The following CHL1 variants were observed in gnomAD, a reference collection of about 807,000 sequenced individuals.
CHL1 encodes neural cell adhesion molecule L1-like protein.
CHL1 carries 96 observed loss-of-function variants against 141.9 expected under a neutral mutation model. The observed-to-expected ratio is 0.68, with a 90% confidence interval of 0.57 to 0.80. The LOEUF is 0.80. Among genes scored for constraint, CHL1 ranks in the 30% least tolerant of loss-of-function variants. The probability of loss-of-function intolerance (pLI) is 0.00; values close to 1 mark genes in which losing one functional copy is unlikely to be tolerated. For synonymous variants in CHL1, 613 were observed against 502.2 expected (o/e 1.22, Z -2.95); for missense variants, 1,820 against 1,457.2 (o/e 1.25, Z -4.05).
chr3:286,847 A>G (rs923433035), intron 2 of CHL1, among the ~76,000 whole-genome samples: 14 of 152,132 alleles, frequency 9.2e-5, no homozygotes, highest in African/African-American at 3.1e-4. Context: ...TTGCCATGGC[A>G]TTTGTAAACT....
intron 2 of CHL1, among the ~76,000 whole-genome samples, chr3:310,591 A>T (rs2124978358): frequency 6.6e-6 from 1 of 152,228 alleles, no homozygotes; most frequent in South Asian, 2.1e-4. Flanking sequence ...TTCATTTTTT[A>T]GTGTTGTTTT....
At chr3:308,034 A>G (rs1217574356) in intron 2 of CHL1, among the ~76,000 whole-genome samples, 1 of 152,220 alleles carries the variant, frequency 6.6e-6, no homozygotes, top group Non-Finnish European at 1.5e-5. Context: ...ATTCATTTAA[A>G]GTTCTATTAG....
At chr3:273,130 C>A (rs1171378861) in intron 2 of CHL1, among the ~76,000 whole-genome samples, 1 of 152,148 alleles carries the variant, frequency 6.6e-6, no homozygotes, top group Non-Finnish European at 1.5e-5. Flanking sequence ...AAAGTGGGAG[C>A]TTGGTAGTAT....
intron 19 of CHL1, among the ~76,000 whole-genome samples, chr3:386,559 C>T (rs1027685469): frequency 4.6e-5 from 7 of 152,102 alleles, no homozygotes; most frequent in African/African-American, 1.7e-4. Flanking sequence ...TTGAGAGTTT[C>T]CATTGTTCTT....
rs569410234 is a variant in CHL1 at position 263,706 on chromosome 3, G to A, written c.-95+19014G>A. ...TATATTAAATTTTTGATTTGTGCAT[G>A]TATTTGCTTTTGCATATCTTACTTT... is the stretch of plus-strand genomic sequence containing the variant. On this transcript the variant is annotated intron_variant, in intron 2 of 27. Coordinates refer to ENST00000256509, the MANE Select transcript of CHL1 (RefSeq NM_006614.4). Among the ~76,000 whole-genome samples the A allele has an allele frequency of 1.4e-4, 22 of 152,280 alleles. 1 individual carries two copies. In the South Asian group the frequency reaches 4.6e-3, roughly 32 times the overall value.
intron 9 of CHL1, among the ~76,000 whole-genome samples, chr3:346,248 T>C (rs1163780915): frequency 1.3e-5 from 2 of 152,210 alleles, no homozygotes. Context: ...CAACTCCCAA[T>C]GTGTATTTAC....
Position 303,260 on chromosome 3 carries a change from T to C in CHL1, c.-94-16423T>C, listed in dbSNP as rs147227504. On this transcript the variant is annotated intron_variant, in intron 2 of 27. Coordinates refer to ENST00000256509, the MANE Select transcript of CHL1 (RefSeq NM_006614.4). ...GGTTCCATATGAAGTTTAAAGTAAT[T>C]TTTTTCCAATTCTGTGAAGAAAGTC... 3.6e-3 allele frequency among the ~76,000 whole-genome samples: 555 copies of C among 152,230 alleles called. 8 individuals carry two copies. The highest frequency in any genetic ancestry group is 0.013 in the African/African-American group (529 of 41,534).
intron 11 of CHL1, 49 bp from the exon 12 acceptor site, chr3:360,235 A>G (rs780012819): frequency 4.4e-6 from 7 of 1,599,950 alleles, no homozygotes; most frequent in Non-Finnish European, 6.0e-6. Flanking sequence ...GTGTATAAAT[A>G]TTTTATGTCC....
At chr3:225,874 T>A (rs1186746830) in intron 1 of CHL1, among the ~76,000 whole-genome samples, 1 of 151,752 alleles carries the variant, frequency 6.6e-6, no homozygotes, top group Non-Finnish European at 1.5e-5. Context: ...CCAGGTGTGG[T>A]GGCAGGCACC....
At chr3:290,762 A>C (rs141424544) in intron 2 of CHL1, among the ~76,000 whole-genome samples, 354 of 152,166 alleles carry the variant, frequency 2.3e-3, no homozygotes, top group African/African-American at 8.0e-3. Flanking sequence ...AGCTGTAATC[A>C]CACACAAAAA....
rs868579249 is a variant in CHL1, at chr3:408,778, T to A, written c.*3067T>A. On this transcript the variant is annotated 3_prime_UTR_variant, in exon 28 of 28. Transcript: ENST00000256509. The stretch of plus-strand genomic sequence containing the variant: ...GGGTCTTTGCTATACAAAAGTGTTT[T>A]CCACTAATTTTGCATGCGTATTTAT... 1 of 152,156 alleles carries A rather than the reference T, an allele frequency of 6.6e-6. No homozygotes were observed. The highest frequency in any genetic ancestry group is 1.5e-5 in the Non-Finnish European group (1 of 68,008). 9.4% of individuals were successfully genotyped at this position (152,156 alleles called of 1,614,324 possible).
chr3:330,732 A>C (rs1369303889), intron 5 of CHL1, among the ~76,000 whole-genome samples: 1 of 152,170 alleles, frequency 6.6e-6, no homozygotes, highest in Non-Finnish European at 1.5e-5. Context: ...CAGCTGGTTC[A>C]AAAATATCTT....
chr3:201,199 T>G (rs1698901829), intron 1 of CHL1, among the ~76,000 whole-genome samples: 1 of 152,218 alleles, frequency 6.6e-6, no homozygotes, highest in African/African-American at 2.4e-5. Flanking sequence ...CAACCTGACA[T>G]TATTCTGCCA....
In CHL1 at chr3:318,979, A is replaced by G. The variant is rs145161638; in HGVS notation, c.-94-704A>G. 3.4e-4 allele frequency among the ~76,000 whole-genome samples: 52 copies of G among 151,848 alleles called. No individual in the cohort carries two copies. The South Asian group carries it at 7.9e-3, about 23-fold the overall frequency. On this transcript the variant is annotated intron_variant, in intron 2 of 27. Coordinates refer to ENST00000256509, the MANE Select transcript of CHL1 (RefSeq NM_006614.4). ...ATACACCATGGAATACTACACAGCC[A>G]TATAAAGAACAAAATTGTGTCCTTG...
intron 3 of CHL1, among the ~76,000 whole-genome samples, chr3:322,726 C>T (rs541238234): frequency 4.1e-5 from 6 of 145,252 alleles, no homozygotes; most frequent in Non-Finnish European, 7.5e-5. Context: ...TACCTGTAGT[C>T]CTAGCTACTT....
At chr3:293,359 C>T (rs945249312) in intron 2 of CHL1, among the ~76,000 whole-genome samples, 17 of 151,916 alleles carry the variant, frequency 1.1e-4, no homozygotes, top group African/African-American at 2.7e-4. Context: ...AAAAATTAGC[C>T]GGGCATGATG....
At chr3:290,362 G>A (rs972844033) in intron 2 of CHL1, among the ~76,000 whole-genome samples, 4 of 152,026 alleles carry the variant, frequency 2.6e-5, no homozygotes, top group Admixed American at 2.6e-4. Context: ...GTATTAATTT[G>A]GAGTACAAAT....
intron 5 of CHL1, 112 bp from the exon 6 acceptor site, chr3:340,682 A>G (rs1702279474): frequency 1.1e-6 from 1 of 877,954 alleles, no homozygotes; most frequent in Non-Finnish European, 1.7e-6. Flanking sequence ...GATCTGTAGC[A>G]TAGAATTTAT....
At chr3:284,077 G>T (rs1410320874) in intron 2 of CHL1, among the ~76,000 whole-genome samples, 1 of 152,044 alleles carries the variant, frequency 6.6e-6, no homozygotes, top group African/African-American at 2.4e-5. Context: ...CAGGTAGAGG[G>T]GATACATTCG....
Sources: gnomAD v4.1 joint callset for allele counts (sites outside exome capture counted in the v4.1 genomes callset) on GRCh38, gnomAD v4.1.1 for gene constraint, MANE v1.5 for transcripts, NCBI Gene and HGNC (gene_info 2026-07-23, HGNC 2026-07-21) for gene names.